The following MARCHF1 variants were observed in gnomAD, a reference collection of about 807,000 sequenced individuals.
MARCHF1 encodes E3 ubiquitin-protein ligase MARCHF1.
Under a neutral mutation model 54.2 loss-of-function variants are expected in MARCHF1, and 40 were observed. That is an observed-to-expected ratio of 0.74 (90% CI 0.57 to 0.96). The LOEUF is 0.96. MARCHF1 is among the 40% of genes least tolerant of loss of function. The pLI is 0.00. For synonymous variants in MARCHF1, 236 were observed against 236.3 expected, an observed-to-expected ratio of 1.00 and a Z score of 0.01; for missense variants, 586 against 656.5, an observed-to-expected ratio of 0.89 and a Z score of 1.17.
chr4:163,616,229 A>G lies in MARCHF1; in HGVS notation c.163-2836T>C, dbSNP rs551442890. ...CAAAATAGACAAATGAGACTACATC[A>G]AACTAAAAAGCAAAGCTTTCTCCTT... On this transcript the variant is annotated intron_variant, in intron 5 of 9. Transcript: ENST00000514618. Among the ~76,000 whole-genome samples, 95 of 152,300 alleles carry G rather than the reference A, an allele frequency of 6.2e-4. 1 individual carries two copies. Among genetic ancestry groups the G allele is most frequent in the Admixed American group, 3.1e-3 (48 of 15,294 alleles).
intron 2 of MARCHF1, among the ~76,000 whole-genome samples, chr4:164,046,996 T>G (rs1754256457): frequency 6.6e-6 from 1 of 152,180 alleles, no homozygotes; most frequent in Non-Finnish European, 1.5e-5. Flanking sequence ...TGCCACAAAC[T>G]TGACATATCA....
chr4:163,745,871 C>T (rs949691013), intron 4 of MARCHF1, among the ~76,000 whole-genome samples: 2 of 151,930 alleles, frequency 1.3e-5, no homozygotes, highest in African/African-American at 2.4e-5. Context: ...TTTTTAGAGC[C>T]GTTTTAGGTT....
At chr4:164,025,959 T>C (rs973895096) in intron 2 of MARCHF1, among the ~76,000 whole-genome samples, 3 of 151,830 alleles carry the variant, frequency 2.0e-5, no homozygotes, top group African/African-American at 4.8e-5. Flanking sequence ...GCACAACAAT[T>C]AGAAAATACA....
chr4:163,586,057 T>C, intron 7 of MARCHF1, 128 bp from the exon 8 acceptor site: 2 of 706,928 alleles, frequency 2.8e-6, no homozygotes, highest in Non-Finnish European at 4.4e-6. Flanking sequence ...ATGGACATTT[T>C]ACTCCAACTT....
chr4:163,688,753 G>C (rs1364366770), intron 5 of MARCHF1, among the ~76,000 whole-genome samples: 4 of 152,080 alleles, frequency 2.6e-5, no homozygotes, highest in African/African-American at 9.7e-5. Flanking sequence ...ATTCCTCTCT[G>C]AGTACTGTCT....
At chr4:163,985,161 T>A (rs1046809476) in intron 3 of MARCHF1, among the ~76,000 whole-genome samples, 1 of 150,268 alleles carries the variant, frequency 6.7e-6, no homozygotes, top group Non-Finnish European at 1.5e-5. Flanking sequence ...TGTAGCTTCA[T>A]AATGGACCAA....
At chr4:163,899,151 A>G (rs765858328) in intron 3 of MARCHF1, among the ~76,000 whole-genome samples, 8 of 152,214 alleles carry the variant, frequency 5.3e-5, no homozygotes, top group Non-Finnish European at 4.4e-5. Context: ...AAACATGCAT[A>G]TATACCTTCT....
rs77541087 is a variant in MARCHF1, at chr4:163,721,865, C to T, written c.112-21002G>A. Among the ~76,000 whole-genome samples the T allele has an allele frequency of 7.3e-3, 1,110 of 152,120 alleles. 8 individuals are homozygous for T. Among genetic ancestry groups the T allele is most frequent in the Middle Eastern group, 0.014 (4 of 294 alleles). On this transcript the variant is annotated intron_variant, in intron 4 of 9. Coordinates refer to ENST00000514618, the MANE Select transcript of MARCHF1 (RefSeq NM_001394959.1). ...ACGGGAATTTGTATTTCTGTGGGAC[C>T]GGTGGTGACATCCCTTTTATCATTT...
At chr4:164,125,828 G>A (rs779907716) in intron 1 of MARCHF1, among the ~76,000 whole-genome samples, 7 of 152,188 alleles carry the variant, frequency 4.6e-5, no homozygotes, top group Non-Finnish European at 7.3e-5. Flanking sequence ...GTTGTGAACT[G>A]CATATGCAAG....
At chr4:163,681,002 T>C (rs1319189553) in intron 5 of MARCHF1, among the ~76,000 whole-genome samples, 2 of 149,466 alleles carry the variant, frequency 1.3e-5, no homozygotes, top group African/African-American at 4.9e-5. Context: ...CATTATGTAA[T>C]ATTAACATAT....
chr4:164,080,648 T>TTG (rs199734198), intron 2 of MARCHF1, among the ~76,000 whole-genome samples: 16,908 of 149,834 alleles, frequency 0.11, 1,185 homozygotes, highest in African/African-American at 0.2. Flanking sequence ...TAGTATTCTA[T>TTG]TGTGTGTGTG....
intron 3 of MARCHF1, among the ~76,000 whole-genome samples, chr4:163,924,302 A>G (rs1751493305): frequency 6.6e-6 from 1 of 152,054 alleles, no homozygotes; most frequent in African/African-American, 2.4e-5. Context: ...GGCTGGCTGG[A>G]CTTTTGACAT....
At chr4:164,307,783 C>T (rs910761488) in intron 1 of MARCHF1, among the ~76,000 whole-genome samples, 3 of 152,254 alleles carry the variant, frequency 2.0e-5, no homozygotes, top group South Asian at 2.1e-4. Context: ...ACAGGCACAA[C>T]AAAATTAAAC....
At chr4:163,822,627 G>A (rs953263613) in intron 4 of MARCHF1, among the ~76,000 whole-genome samples, 1 of 151,810 alleles carries the variant, frequency 6.6e-6, no homozygotes. Context: ...GGTGATATTA[G>A]ATGTGCATAT....
At chr4:163,821,056 A>G (rs1004948143) in intron 4 of MARCHF1, among the ~76,000 whole-genome samples, 2 of 152,016 alleles carry the variant, frequency 1.3e-5, no homozygotes, top group Admixed American at 1.3e-4. Context: ...TTCAGCTCGC[A>G]CTGCACTTGA....
rs1752970836 is a variant in MARCHF1 at position 163,991,762 on chromosome 4, C to A, written c.-247-3053G>T. Among the ~76,000 whole-genome samples the A allele has an allele frequency of 3.3e-5, 5 of 152,260 alleles. No homozygotes were observed. In the South Asian group the frequency reaches 1.0e-3, roughly 32 times the overall value. ...AATTACTGTTGAAATCATCCTGGAA[C>A]ATTCACTCTTCACTGACTACTTTTT... On this transcript the variant is annotated intron_variant, in intron 2 of 9. Coordinates refer to ENST00000514618, the MANE Select transcript of MARCHF1 (RefSeq NM_001394959.1).
chr4:163,992,609 ATT>A (rs1752989114), intron 2 of MARCHF1, among the ~76,000 whole-genome samples: 1 of 151,696 alleles, frequency 6.6e-6, no homozygotes, highest in South Asian at 2.1e-4. Context: ...AACATAGAAA[ATT>A]TGTTTAAGAT....
At chr4:163,910,698 T>C (rs1187103272) in intron 3 of MARCHF1, among the ~76,000 whole-genome samples, 1 of 152,172 alleles carries the variant, frequency 6.6e-6, no homozygotes, top group Non-Finnish European at 1.5e-5. Context: ...GGTTTCACCA[T>C]GTTGGCCAAG....
At chr4:164,135,214 A>T (rs1363394603) in intron 1 of MARCHF1, among the ~76,000 whole-genome samples, 1 of 152,220 alleles carries the variant, frequency 6.6e-6, no homozygotes, top group Non-Finnish European at 1.5e-5. Flanking sequence ...AACACAACCC[A>T]CAGCAATAAA....
Sources: allele counts gnomAD v4.1 joint callset (sites outside exome capture counted in the v4.1 genomes callset), GRCh38; gene constraint gnomAD v4.1.1; transcripts MANE v1.5; gene names NCBI Gene and HGNC (gene_info 2026-07-23, HGNC 2026-07-21).